The following JSRP1 variants were observed in gnomAD, a reference collection of about 807,000 sequenced individuals.
JSRP1 encodes the protein 2310032K21Rik.
A neutral mutation model predicts 21.4 loss-of-function variants in JSRP1; 29 were observed. That is an observed-to-expected ratio of 1.36 (90% CI 1.01 to 1.85). The LOEUF is 1.85. Among genes scored for constraint, JSRP1 ranks in the 40% most tolerant of loss-of-function variants. JSRP1 has a pLI of 0.00. For synonymous variants in JSRP1, 221 were observed against 206.1 expected, an observed-to-expected ratio of 1.07 and a Z score of -0.62; for missense variants, 531 against 461.5, an observed-to-expected ratio of 1.15 and a Z score of -1.38.
Position 2,252,665 on chromosome 19 carries a change from TCCGGTGGCCTCG to T in JSRP1, c.648_659del (p.Thr219_Ala222del), listed in dbSNP as rs754936303. ...TCACACGGTCCTCCCGGACGGCCTC[TCCGGTGGCCTCG>T]CCGGGCTCCTCTTCGTCGTTCTCTG... On this transcript the variant is annotated inframe_deletion, in exon 7 of 7. Coordinates refer to ENST00000300961, the MANE Select transcript of JSRP1 (RefSeq NM_144616.4). 6.2e-7 allele frequency: 1 copy of T among 1,612,034 alleles called. No homozygotes were observed. Among genetic ancestry groups the T allele is most frequent in the African/African-American group, 1.3e-5 (1 of 74,892 alleles).
At position 2,255,356 on chromosome 19, in the gene JSRP1, G is replaced by T; in HGVS notation, c.-30-12C>A. ...GGTCCCAGGCCAGGCTGGGAGGGGT[G>T]GGGAACAAGGTCTTGCATTTACTGA... On this transcript the variant is annotated splice_polypyrimidine_tract_variant and intron_variant, in intron 1 of 6. Transcript: ENST00000300961. The T allele has an allele frequency of 7.4e-7, 1 of 1,348,458 alleles. No individual in the cohort carries two copies. Among genetic ancestry groups the T allele is most frequent in the Non-Finnish European group, 1.0e-6 (1 of 957,702 alleles). The allele number at this position is 1,348,458 out of a possible 1,614,324, so 83.5% of individuals were successfully genotyped here. A position where few individuals can be genotyped will look rare whatever the true frequency, so the allele number is the denominator to read the frequency against.
In JSRP1 at chr19:2,255,481, GCCAGGCATGGCCCGGCGCCCACT is replaced by G. The variant is rs2025134242; in HGVS notation, c.-30-160_-30-138del. 11 of 559,938 alleles carry G rather than the reference GCCAGGCATGGCCCGGCGCCCACT, an allele frequency of 2.0e-5. No homozygotes were observed. The South Asian group carries it at 2.5e-4, about 13-fold the overall frequency. 34.7% of individuals were successfully genotyped at this position (559,938 alleles called of 1,614,324 possible). ...CCTCACTCGGCAAATTCATACTCAT[GCCAGGCATGGCCCGGCGCCCACT>G]CCAGGCATCTCTCTGACCCCGCATG... is the stretch of plus-strand genomic sequence containing the variant. On this transcript the variant is annotated intron_variant, in intron 1 of 6. Coordinates refer to ENST00000300961, the MANE Select transcript of JSRP1 (RefSeq NM_144616.4).
chr19:2,252,545 CCT>C lies in JSRP1; in HGVS notation c.778_779del (p.Arg260AlafsTer?), dbSNP rs751184806. The C allele has an allele frequency of 3.7e-6, 6 of 1,612,776 alleles. No individual in the cohort carries two copies. Among genetic ancestry groups the C allele is most frequent in the Non-Finnish European group, 5.1e-6 (6 of 1,179,918 alleles). On this transcript the variant is annotated frameshift_variant, in exon 7 of 7. Transcript: ENST00000300961. LOFTEE classifies it low-confidence loss of function (END_TRUNC). ...PRKEERPKKE[R>X]PRKEERPRAA... ...CCCGTGGCCTCTCCTCTTTCCGCGG[CCT>C]CTCTTTCTTAGGTCTCTCCTCCTTC...
At chr19:2,254,745 A>AG (rs2025123341) in intron 2 of JSRP1, among the ~76,000 whole-genome samples, 1 of 146,224 alleles carries the variant, frequency 6.8e-6, no homozygotes, top group Admixed American at 6.8e-5. Flanking sequence ...AAAAAAAATT[A>AG]GCGAGGCATG....
chr19:2,253,065 C>G, intron 5 of JSRP1, 62 bp from the exon 6 acceptor site: 1 of 1,159,968 alleles, frequency 8.6e-7, no homozygotes, highest in Non-Finnish European at 1.3e-6. Flanking sequence ...ACTGTCCATC[C>G]CTCCCTCACC....
chr19:2,254,566 G>T, intron 2 of JSRP1, 84 bp from the exon 3 acceptor site: 1 of 1,475,352 alleles, frequency 6.8e-7, no homozygotes, highest in East Asian at 2.3e-5. Context: ...GGTGACGTGC[G>T]GGTGACTAAC....
chr19:2,255,153 G>A (rs1451653644), intron 2 of JSRP1, 53 bp downstream of exon 2: 10 of 1,274,588 alleles, frequency 7.8e-6, no homozygotes, highest in Non-Finnish European at 1.1e-5. Context: ...GGGCCTCCTG[G>A]CTCAAGGGGA....
At chr19:2,253,102 G>A in intron 5 of JSRP1, 99 bp from the exon 6 acceptor site, 1 of 827,452 alleles carries the variant, frequency 1.2e-6, no homozygotes, top group Non-Finnish European at 1.9e-6. Flanking sequence ...CTGGACAGTT[G>A]GAGTGGGGCT....
intron 5 of JSRP1, 116 bp from the exon 6 acceptor site, chr19:2,253,119 G>T: frequency 1.4e-6 from 1 of 720,164 alleles, no homozygotes; most frequent in Non-Finnish European, 2.3e-6. Flanking sequence ...GGCTCCCCCG[G>T]TACGGCTGAG....
At position 2,253,812 on chromosome 19, in the gene JSRP1, G is replaced by A. The variant is rs987912190; in HGVS notation, c.263-19C>T. On this transcript the variant is annotated intron_variant, in intron 4 of 6. Coordinates refer to ENST00000300961, the MANE Select transcript of JSRP1 (RefSeq NM_144616.4). ...CGAGGGCCTGCGGGGGCAAGTGCGC[G>A]CTGCGCTGTGGTCACTGGCTCTGTG... 4.4e-6 allele frequency: 6 copies of A among 1,377,004 alleles called. No homozygotes were observed. Among genetic ancestry groups the A allele is most frequent in the Non-Finnish European group, 4.6e-6 (5 of 1,076,384 alleles). 85.3% of individuals were successfully genotyped at this position (1,377,004 alleles called of 1,614,324 possible).
intron 5 of JSRP1, 128 bp downstream of exon 5, chr19:2,253,492 G>A (rs1384481882): frequency 1.1e-6 from 1 of 907,342 alleles, no homozygotes; most frequent in Non-Finnish European, 1.5e-6. Context: ...AACTTTGGGG[G>A]CGTGCAAGAC....
At chr19:2,255,170 G>C in intron 2 of JSRP1, 36 bp downstream of exon 2, 2 of 1,452,864 alleles carry the variant, frequency 1.4e-6, no homozygotes, top group East Asian at 2.3e-5. Context: ...GGGACCATCA[G>C]GGAAGGGCTT....
rs775204047 is a variant in JSRP1, at chr19:2,252,327, G to C, written c.*2C>G. On this transcript the variant is annotated 3_prime_UTR_variant, in exon 7 of 7. Coordinates refer to ENST00000300961, the MANE Select transcript of JSRP1 (RefSeq NM_144616.4). ...GCCCCTGGACTCCGGCGCGGGGCCG[G>C]CTCAGTCCCGCCCCTTGCCTGCGCG... 1 of 1,470,666 alleles carries C rather than the reference G, an allele frequency of 6.8e-7. No individual in the cohort carries two copies. Among genetic ancestry groups the C allele is most frequent in the Non-Finnish European group, 9.0e-7 (1 of 1,116,672 alleles). The allele number at this position is 1,470,666 out of a possible 1,614,324, so 91.1% of individuals were successfully genotyped here. A position where few individuals can be genotyped will look rare whatever the true frequency, so the allele number is the denominator to read the frequency against.
In JSRP1 at chr19:2,252,252, G is replaced by T; in HGVS notation, c.*77C>A. ...GGCGTAAAGGAGCAGGTGACTCTGCGGCCGCAGCACTCGCTTTATTTCGCC... is the reference window on the plus strand; with the variant it reads ...GGCGTAAAGGAGCAGGTGACTCTGCTGCCGCAGCACTCGCTTTATTTCGCC... On this transcript the variant is annotated 3_prime_UTR_variant, in exon 7 of 7. Coordinates refer to ENST00000300961, the MANE Select transcript of JSRP1 (RefSeq NM_144616.4). 1 of 1,311,544 alleles carries T rather than the reference G, an allele frequency of 7.6e-7. No homozygotes were observed. The highest frequency in any genetic ancestry group is 1.5e-5 in the African/African-American group (1 of 67,240). The allele number at this position is 1,311,544 out of a possible 1,614,324, so 81.2% of individuals were successfully genotyped here. A position where few individuals can be genotyped will look rare whatever the true frequency, so the allele number is the denominator to read the frequency against.
intron 1 of JSRP1, 135 bp from the exon 2 acceptor site, chr19:2,255,479 A>C: frequency 1.8e-6 from 1 of 556,504 alleles, no homozygotes; most frequent in Non-Finnish European, 3.2e-6. Context: ...ATTCATACTC[A>C]TGCCAGGCAT....
chr19:2,255,004 C>G (rs2025126967), intron 2 of JSRP1, among the ~76,000 whole-genome samples: 1 of 152,160 alleles, frequency 6.6e-6, no homozygotes, highest in African/African-American at 2.4e-5. Flanking sequence ...GAACCTAGAT[C>G]TGTGTGGCCC....
At chr19:2,255,049 C>T (rs1417278382) in intron 2 of JSRP1, among the ~76,000 whole-genome samples, 157 bp downstream of exon 2, 2 of 152,064 alleles carry the variant, frequency 1.3e-5, no homozygotes, top group Admixed American at 6.6e-5. Flanking sequence ...CTTACAGACC[C>T]CTGAGGCAGA....
rs746714589 is a variant in JSRP1 at position 2,254,284 on chromosome 19, T to C, written c.165A>G (p.Glu55=). The change falls in exon 4 of 7, where the codon GAA becomes GAG. Residue 55 remains glutamate (E), a synonymous_variant. Transcript: ENST00000300961. ...TGGGCCTGGTGTCCACACTGGGGCC[T>C]TCAGCCACCTGAGAGTCCTGTGGTT... ...GSVPHDSQVA[E]GPSVDTRPKK... 1 of 1,600,606 alleles carries C rather than the reference T, an allele frequency of 6.2e-7. No individual in the cohort carries two copies. The highest frequency in any genetic ancestry group is 8.5e-7 in the Non-Finnish European group (1 of 1,171,938).
rs914355001 is a variant in JSRP1, at chr19:2,252,632, T to C, written c.693A>G (p.Ala231=). The C allele has an allele frequency of 1.6e-5, 26 of 1,612,408 alleles. No homozygotes were observed. Among genetic ancestry groups the C allele is most frequent in the Non-Finnish European group, 2.0e-5 (24 of 1,179,954 alleles). ...GAGGCCTCTCCTTGGGTCCCCGGTC[T>C]GCGAGGGTCACACGGTCCTCCCGGA... is the stretch of plus-strand genomic sequence containing the variant. ...EAVREDRVTL[A]DRGPKERPRR... Residue 231 remains alanine (A), a synonymous_variant, in exon 7 of 7, where the codon GCA becomes GCG. Coordinates refer to ENST00000300961, the MANE Select transcript of JSRP1 (RefSeq NM_144616.4).
Sources: allele counts gnomAD v4.1 joint callset (sites outside exome capture counted in the v4.1 genomes callset), GRCh38; gene constraint gnomAD v4.1.1; transcripts MANE v1.5; gene names NCBI Gene and HGNC (gene_info 2026-07-23, HGNC 2026-07-21).